Variants in ZNF667 observed in about 807,000 individuals in gnomAD.
The protein encoded by ZNF667 is myocardial ischemic preconditioning upregulated 1 ortholog.
ZNF667 carries 13 observed loss-of-function variants against 31.8 expected under a neutral mutation model. That is an observed-to-expected ratio of 0.41 (90% CI 0.27 to 0.65). The LOEUF (loss-of-function observed/expected upper bound fraction) is 0.65. ZNF667 is among the 30% of genes least tolerant of loss of function. ZNF667 has a pLI of 0.32. For synonymous variants in ZNF667, 228 were observed against 247.1 expected (o/e 0.92, Z 0.73); for missense variants, 642 against 725.6 (o/e 0.88, Z 1.32).
intron 1 of ZNF667, among the ~76,000 whole-genome samples, chr19:56,476,617 G>A (rs945317703): frequency 6.6e-6 from 1 of 152,138 alleles, no homozygotes; most frequent in Non-Finnish European, 1.5e-5. Flanking sequence ...TACCAAGGAG[G>A]AAAGTCATGC....
chr19:56,442,870 T>C, intron 6 of ZNF667, 129 bp from the exon 7 acceptor site: 1 of 1,270,814 alleles, frequency 7.9e-7, no homozygotes, highest in Non-Finnish European at 1.0e-6. Flanking sequence ...AACTTTTTAG[T>C]GTTTTATTGT....
intron 3 of ZNF667, chr19:56,470,127 A>C (rs2043258834): frequency 2.3e-6 from 1 of 431,402 alleles, no homozygotes; most frequent in Admixed American, 2.4e-5. Context: ...TTACATCTGC[A>C]AAGGGAGGAC....
chr19:56,448,043 CAA>C (rs1323435831), intron 6 of ZNF667, among the ~76,000 whole-genome samples: 1 of 152,058 alleles, frequency 6.6e-6, no homozygotes. Flanking sequence ...ATCAAAGTAT[CAA>C]GTTTTAACAT....
rs577722549 is a variant in ZNF667, at chr19:56,439,377, A to T, written c.*1785T>A. ...ATTTTATTTCTTATATATTTGGCAC[A>T]AACAGCAGAGACTGAAAGCTACTAC... On this transcript the variant is annotated 3_prime_UTR_variant, in exon 7 of 7. Coordinates refer to ENST00000504904, the MANE Select transcript of ZNF667 (RefSeq NM_001321356.2). 1 of 152,360 alleles carries T rather than the reference A, an allele frequency of 6.6e-6. No individual in the cohort carries two copies. Among genetic ancestry groups the T allele is most frequent in the African/African-American group, 2.4e-5 (1 of 41,582 alleles). 9.4% of individuals were successfully genotyped at this position (152,360 alleles called of 1,614,324 possible).
At chr19:56,455,351 T>C (rs1010002032) in intron 6 of ZNF667, among the ~76,000 whole-genome samples, 3 of 152,128 alleles carry the variant, frequency 2.0e-5, no homozygotes, top group Non-Finnish European at 2.9e-5. Context: ...TAAATTAGTA[T>C]ATAAAAAAGA....
chr19:56,467,026 C>T (rs2043176193), intron 3 of ZNF667: 1 of 456,552 alleles, frequency 2.2e-6, no homozygotes, highest in Non-Finnish European at 4.4e-6. Context: ...AGAACCCTCT[C>T]TTATGGTCTG....
chr19:56,477,911 C>T (rs1376299273), upstream of ZNF667: 1 of 152,502 alleles, frequency 6.6e-6, no homozygotes, highest in African/African-American at 2.4e-5. Context: ...TGGAAAGTCC[C>T]ACCCAGAACG....
intron 6 of ZNF667, among the ~76,000 whole-genome samples, chr19:56,456,701 CAT>C (rs1242176150): frequency 2.6e-5 from 4 of 152,056 alleles, no homozygotes; most frequent in Non-Finnish European, 4.4e-5. Flanking sequence ...AGACTAGTAA[CAT>C]AGAACATTTC....
At chr19:56,455,777 G>A (rs1482956276) in intron 6 of ZNF667, among the ~76,000 whole-genome samples, 1 of 152,128 alleles carries the variant, frequency 6.6e-6, no homozygotes, top group Non-Finnish European at 1.5e-5. Flanking sequence ...CAATAGGAAT[G>A]TTTGTAACAC....
At chr19:56,461,131 T>C (rs527996755) in intron 4 of ZNF667, among the ~76,000 whole-genome samples, 20 of 152,266 alleles carry the variant, frequency 1.3e-4, no homozygotes, top group African/African-American at 1.9e-4. Context: ...GAATCAGTGA[T>C]AGAGGCACTG....
At chr19:56,468,555 G>C (rs2043216137) in intron 3 of ZNF667, 1 of 152,184 alleles carries the variant, frequency 6.6e-6, no homozygotes, top group African/African-American at 2.4e-5. Context: ...AAACCTAGCT[G>C]TGCCCCGACC....
chr19:56,454,603 G>T lies in ZNF667; in HGVS notation c.253+3552C>A, dbSNP rs1337246481. Among the ~76,000 whole-genome samples the T allele has an allele frequency of 2.0e-5, 3 of 151,100 alleles. No homozygotes were observed. In the East Asian group the frequency reaches 5.8e-4, roughly 29 times the overall value. On this transcript the variant is annotated intron_variant, in intron 6 of 6. Coordinates refer to ENST00000504904, the MANE Select transcript of ZNF667 (RefSeq NM_001321356.2). ...GAAGGGACAGTCTCTTCAATAAATT[G>T]TGCTGGAAAAACTGGATATCCACAT...
At chr19:56,448,072 G>A (rs1023509350) in intron 6 of ZNF667, among the ~76,000 whole-genome samples, 2 of 152,122 alleles carry the variant, frequency 1.3e-5, no homozygotes, top group African/African-American at 4.8e-5. Context: ...CAAAGAAAGA[G>A]GCACTGAGGA....
Position 56,471,855 on chromosome 19 carries a change from G to A in ZNF667, c.-216C>T, listed in dbSNP as rs1166663279. On this transcript the variant is annotated 5_prime_UTR_variant, in exon 3 of 7. The change creates a premature stop within an existing upstream ORF in the 5' untranslated region. Transcript: ENST00000504904. ...AGATGATTCTTGTCTGATATGGTCT[G>A]GCTGTGTCCCCACTCAAATCTCATC... 2 of 152,194 alleles carry A rather than the reference G, an allele frequency of 1.3e-5. No individual in the cohort carries two copies. Among genetic ancestry groups the A allele is most frequent in the East Asian group, 3.9e-4 (2 of 5,194 alleles). The allele number at this position is 152,194 out of a possible 1,614,324, so 9.4% of individuals were successfully genotyped here. A position where few individuals can be genotyped will look rare whatever the true frequency, so the allele number is the denominator to read the frequency against.
At position 56,441,700 on chromosome 19, in the gene ZNF667, A is replaced by AT; in HGVS notation, c.1294dup (p.Ile432AsnfsTer8). 2 of 1,614,120 alleles carry AT rather than the reference A, an allele frequency of 1.2e-6. No individual in the cohort carries two copies. The highest frequency in any genetic ancestry group is 1.7e-6 in the Non-Finnish European group (2 of 1,180,028). ...CTCTTCAGAATGAATATTCTGATGT[A>AT]TTTTAAGGTTTGCAGTTCCAGAAAA... On this transcript the variant is annotated frameshift_variant, in exon 7 of 7. Transcript: ENST00000504904. LOFTEE classifies it high-confidence loss of function. This position sits in a 1 kb window ranked among gnomAD's most constrained non-coding sequence, Gnocchi z 4.2.
intron 3 of ZNF667, among the ~76,000 whole-genome samples, chr19:56,464,255 A>T (rs770394438): frequency 4.6e-5 from 7 of 152,256 alleles, no homozygotes; most frequent in Non-Finnish European, 7.3e-5. Context: ...CAATGCTTTG[A>T]GGCTGATGCA....
intron 3 of ZNF667, chr19:56,466,998 C>T: frequency 2.2e-6 from 1 of 456,530 alleles, no homozygotes; most frequent in South Asian, 1.6e-5. Flanking sequence ...CCTTGAATTC[C>T]TTCCTGTGCA....
At chr19:56,466,979 T>C (rs968937349) in intron 3 of ZNF667, 1 of 456,256 alleles carries the variant, frequency 2.2e-6, no homozygotes, top group African/African-American at 2.0e-5. Context: ...CACTGTGCTC[T>C]GTGACTCACC....
At chr19:56,455,402 G>A (rs559859045) in intron 6 of ZNF667, among the ~76,000 whole-genome samples, 2 of 152,244 alleles carry the variant, frequency 1.3e-5, no homozygotes, top group East Asian at 3.9e-4. Flanking sequence ...ACTCACAATA[G>A]CCACATGACC....
Sources: allele counts gnomAD v4.1 joint callset (sites outside exome capture counted in the v4.1 genomes callset), GRCh38; gene constraint gnomAD v4.1.1; non-coding constraint Gnocchi (gnomAD v3.1); transcripts MANE v1.5; gene names NCBI Gene and HGNC (gene_info 2026-07-23, HGNC 2026-07-21).